ASTN2: variants seen among roughly 807,000 people sequenced by gnomAD.
ASTN2 encodes the protein astrotactin-2.
A neutral mutation model predicts 139.8 loss-of-function variants in ASTN2; 54 were observed. That is an observed-to-expected ratio of 0.39 (90% CI 0.31 to 0.48). The LOEUF (loss-of-function observed/expected upper bound fraction) is 0.48. ASTN2 is among the 20% of genes least tolerant of loss of function. The probability of loss-of-function intolerance (pLI) is 0.95; values close to 1 mark genes in which losing one functional copy is unlikely to be tolerated. For synonymous variants in ASTN2, 756 were observed against 719.5 expected (o/e 1.05, Z -0.81); for missense variants, 1,565 against 1,725.1 (o/e 0.91, Z 1.64).
intron 17 of ASTN2, among the ~76,000 whole-genome samples, chr9:116,621,034 C>T (rs1447945848): frequency 6.6e-6 from 1 of 152,300 alleles, no homozygotes; most frequent in African/African-American, 2.4e-5. Context: ...TCTCACCACT[C>T]TCCTGACCTT....
At chr9:117,402,412 G>A (rs1393207596) in intron 1 of ASTN2, among the ~76,000 whole-genome samples, 1 of 152,178 alleles carries the variant, frequency 6.6e-6, no homozygotes, top group East Asian at 1.9e-4. Flanking sequence ...CTGACTGAAA[G>A]GATGAGAGGC....
intron 19 of ASTN2, among the ~76,000 whole-genome samples, chr9:116,539,541 T>C (rs1025878146): frequency 2.0e-5 from 3 of 152,202 alleles, no homozygotes; most frequent in African/African-American, 4.8e-5. Flanking sequence ...ATTTTGTTTA[T>C]AGCACAAGAA....
intron 6 of ASTN2, among the ~76,000 whole-genome samples, chr9:117,020,327 G>A (rs779464658): frequency 7.3e-5 from 11 of 150,982 alleles, no homozygotes; most frequent in Non-Finnish European, 1.3e-4. Context: ...CACATAGAAG[G>A]TGATGAAAAA....
At chr9:116,940,624 G>T (rs1182357666) in intron 10 of ASTN2, among the ~76,000 whole-genome samples, 1 of 152,148 alleles carries the variant, frequency 6.6e-6, no homozygotes, top group Non-Finnish European at 1.5e-5. Context: ...TAAGCTAAGT[G>T]TTACTACAAG....
chr9:117,272,072 T>C (rs951285451), intron 2 of ASTN2, among the ~76,000 whole-genome samples: 2 of 152,242 alleles, frequency 1.3e-5, no homozygotes, highest in Admixed American at 1.3e-4. Flanking sequence ...AGGTTCTCCA[T>C]GAGGGCCCTG....
intron 1 of ASTN2, among the ~76,000 whole-genome samples, chr9:117,371,944 C>T (rs903061789): frequency 2.6e-5 from 4 of 152,072 alleles, no homozygotes; most frequent in Non-Finnish European, 5.9e-5. Context: ...GCCTTGCATA[C>T]CTGTCTCAAA....
intron 11 of ASTN2, among the ~76,000 whole-genome samples, chr9:116,842,290 C>G (rs764988899): frequency 6.6e-6 from 1 of 152,126 alleles, no homozygotes; most frequent in African/African-American, 2.4e-5. Context: ...TATTATGCAC[C>G]TACCATAAGC....
intron 13 of ASTN2, among the ~76,000 whole-genome samples, chr9:116,755,818 A>G (rs962493278): frequency 6.6e-6 from 1 of 152,234 alleles, no homozygotes; most frequent in African/African-American, 2.4e-5. Flanking sequence ...AAACAGAGGA[A>G]TATCTGAGTA....
At chr9:117,402,363 G>A (rs1301120227) in intron 1 of ASTN2, among the ~76,000 whole-genome samples, 1 of 152,184 alleles carries the variant, frequency 6.6e-6, no homozygotes, top group Admixed American at 6.5e-5. Context: ...ACTGCACCCT[G>A]CCTGAAAATC....
intron 13 of ASTN2, among the ~76,000 whole-genome samples, chr9:116,791,492 C>T (rs532666697): frequency 4.6e-5 from 7 of 152,286 alleles, no homozygotes; most frequent in African/African-American, 1.7e-4. Flanking sequence ...AAAGAGATTG[C>T]TAAGCACATT....
chr9:117,033,451 T>TATGAG (rs56259819), intron 6 of ASTN2, among the ~76,000 whole-genome samples: 26,422 of 152,022 alleles, frequency 0.17, 3,128 homozygotes, highest in African/African-American at 0.34. Context: ...GCAATAACTT[T>TATGAG]ATAAGTACTG....
intron 20 of ASTN2, among the ~76,000 whole-genome samples, chr9:116,464,280 T>C (rs1219293581): frequency 6.6e-6 from 1 of 152,160 alleles, no homozygotes; most frequent in Non-Finnish European, 1.5e-5. Flanking sequence ...GGCACCCATG[T>C]ATGTGAAGTG....
intron 10 of ASTN2, among the ~76,000 whole-genome samples, chr9:116,970,727 C>G (rs923259369): frequency 1.3e-5 from 2 of 152,180 alleles, no homozygotes; most frequent in African/African-American, 4.8e-5. Context: ...ACCAAGTGAG[C>G]CATGCCAGCT....
intron 20 of ASTN2, among the ~76,000 whole-genome samples, chr9:116,466,586 A>G (rs1848653240): frequency 6.6e-6 from 1 of 152,172 alleles, no homozygotes; most frequent in Non-Finnish European, 1.5e-5. Flanking sequence ...CAGACAGAAC[A>G]TCCAGTGTAA....
chr9:116,762,168 T>C (rs1407766557), intron 13 of ASTN2, among the ~76,000 whole-genome samples: 2 of 152,336 alleles, frequency 1.3e-5, no homozygotes, highest in Admixed American at 1.3e-4. Context: ...TAATTATAGC[T>C]GTAATATTGG....
chr9:116,440,726 T>A lies in ASTN2; in HGVS notation c.3665A>T (p.Tyr1222Phe). The change falls in exon 22 of 23, where the codon TAC becomes TTC. Residue 1222 changes from tyrosine to phenylalanine, a missense_variant. Transcript: ENST00000313400. ...GGCTGAGACCTCCATCAGTGTGTTG[T>A]AGGCCATCTGCTGCTCCTTTCCACT... is the stretch of plus-strand genomic sequence containing the variant. The part of the protein sequence containing the change: ...YTSGKEQQMA[Y>F]NTLMEVSASM... The A allele has an allele frequency of 6.2e-7, 1 of 1,614,190 alleles. No homozygotes were observed. The highest frequency in any genetic ancestry group is 1.3e-5 in the African/African-American group (1 of 75,064).
intron 3 of ASTN2, among the ~76,000 whole-genome samples, chr9:117,149,966 G>C (rs1015619815): frequency 6.6e-6 from 1 of 152,128 alleles, no homozygotes; most frequent in African/African-American, 2.4e-5. Flanking sequence ...TGAACAAAAA[G>C]GAGCAAATAT....
intron 19 of ASTN2, among the ~76,000 whole-genome samples, chr9:116,520,164 T>C (rs1421096836): frequency 6.6e-6 from 1 of 151,940 alleles, no homozygotes; most frequent in South Asian, 2.1e-4. Flanking sequence ...ACCAGTATCA[T>C]CCTAATACCA....
chr9:117,142,079 G>A (rs1299514699), intron 3 of ASTN2, among the ~76,000 whole-genome samples: 1 of 152,178 alleles, frequency 6.6e-6, no homozygotes, highest in East Asian at 1.9e-4. Context: ...ACGGATGCTT[G>A]AGCATTGGAA....
Sources: gnomAD v4.1 joint callset for allele counts (sites outside exome capture counted in the v4.1 genomes callset) on GRCh38, gnomAD v4.1.1 for gene constraint, MANE v1.5 for transcripts, NCBI Gene and HGNC (gene_info 2026-07-23, HGNC 2026-07-21) for gene names.